Variants in PEX6 observed in about 807,000 individuals in gnomAD.
The protein encoded by PEX6 is peroxisome biogenesis factor 6.
PEX6 carries 55 observed loss-of-function variants against 85.6 expected under a neutral mutation model. That is an observed-to-expected ratio of 0.64 (90% CI 0.52 to 0.80). The LOEUF (loss-of-function observed/expected upper bound fraction) is 0.80, where lower values mean the gene tolerates loss of function less well. Ranked by LOEUF, PEX6 falls within the 30% of genes least tolerant of loss-of-function variation. PEX6 has a pLI of 0.00. For synonymous variants in PEX6, 519 were observed against 549.1 expected (o/e 0.95, Z 0.77); for missense variants, 1,099 against 1,260.3 (o/e 0.87, Z 1.94).
In PEX6 at chr6:42,966,382, G is replaced by T. The variant is rs1313491168; in HGVS notation, c.2160C>A (p.Thr720=). 3 of 1,614,084 alleles carry T rather than the reference G, an allele frequency of 1.9e-6. No homozygotes were observed. Among genetic ancestry groups the T allele is most frequent in the Non-Finnish European group, 2.5e-6 (3 of 1,180,002 alleles). Residue 720 remains threonine, a synonymous_variant, in exon 11 of 17, where the codon ACC becomes ACA. Transcript: ENST00000304611. ...CAGGGTGCTCCAGGGGGAGCTGAAT[G>T]GTCTCCAGGATCTCCTTCTTCACCT... is the stretch of plus-strand genomic sequence containing the variant. ...LQEVKKEILE[T]IQLPLEHPEL... is the part of the protein sequence containing the mutation.
intron 3 of PEX6, among the ~76,000 whole-genome samples, chr6:42,972,012 G>A (rs1254102573): frequency 1.3e-5 from 2 of 152,196 alleles, no homozygotes; most frequent in Non-Finnish European, 2.9e-5. Context: ...GAGGTGACAT[G>A]GAGCCTAAAT....
chr6:42,965,835 G>A lies in PEX6; in HGVS notation c.2363-46C>T, dbSNP rs1341222040. On this transcript the variant is annotated intron_variant, in intron 12 of 16. Coordinates refer to ENST00000304611, the MANE Select transcript of PEX6 (RefSeq NM_000287.4). The surrounding 1 kb of genome is among the most constrained non-coding windows in gnomAD (Gnocchi z 5.0). Reference sequence around the variant, plus strand: ...ACAGGAGGGCAAAGCTCGGCTTGTGGGGGGTTGAAGTTAGGTGAGAGCAGG... The same window carrying A: ...ACAGGAGGGCAAAGCTCGGCTTGTGAGGGGTTGAAGTTAGGTGAGAGCAGG... The A allele has an allele frequency of 2.6e-6, 4 of 1,546,142 alleles. No individual in the cohort carries two copies. The highest frequency in any genetic ancestry group is 3.6e-6 in the Non-Finnish European group (4 of 1,119,056).
intron 1 of PEX6, among the ~76,000 whole-genome samples, chr6:42,975,707 ATTTAG>A (rs1274796648): frequency 3.3e-5 from 5 of 151,180 alleles, no homozygotes; most frequent in Non-Finnish European, 7.4e-5. Context: ...AAAAAACATG[ATTTAG>A]TTTTTTTTTT....
chr6:42,966,188 C>T (rs1322774813), intron 11 of PEX6, 54 bp downstream of exon 11: 1 of 1,609,162 alleles, frequency 6.2e-7, no homozygotes. Context: ...TCCTGCTCCC[C>T]AGCCTGCTGC....
Position 42,968,364 on chromosome 6 carries a change from ACGGTCC to A in PEX6, c.1608_1613del (p.Arg538_Asp539del). ...CACGGGCATCCTCACCCAGCCCATC[ACGGTCC>A]CGGCCCAGAAGGTCCACAGCTGTGA... On this transcript the variant is annotated inframe_deletion, in exon 7 of 17. Transcript: ENST00000304611. 2.5e-6 allele frequency: 4 copies of A among 1,614,144 alleles called. No homozygotes were observed. The highest frequency in any genetic ancestry group is 3.4e-6 in the Non-Finnish European group (4 of 1,180,040).
intron 6 of PEX6, 65 bp from the exon 7 acceptor site, chr6:42,968,563 GGGA>G (rs1353509277): frequency 1.4e-6 from 2 of 1,389,302 alleles, no homozygotes; most frequent in Non-Finnish European, 2.0e-6. Context: ...GGAGAATCAG[GGGA>G]GGAGGAGGTG....
Position 42,971,016 on chromosome 6 carries a change from C to A in PEX6, c.1131-1029G>T, listed in dbSNP as rs761535123. Among the ~76,000 whole-genome samples, 8 of 152,280 alleles carry A rather than the reference C, an allele frequency of 5.3e-5. No homozygotes were observed. The highest frequency in any genetic ancestry group is 3.4e-3 in the Middle Eastern group (1 of 294). On this transcript the variant is annotated intron_variant, in intron 3 of 16. Coordinates refer to ENST00000304611, the MANE Select transcript of PEX6 (RefSeq NM_000287.4). This position sits in a 1 kb window ranked among gnomAD's most constrained non-coding sequence, Gnocchi z 4.4. Reference sequence around the variant, plus strand: ...ATGAACTACTTCCCTCTTTAATCCTCAGGCAGCAAGGCAATGACAGAGTCA... The same window carrying A: ...ATGAACTACTTCCCTCTTTAATCCTAAGGCAGCAAGGCAATGACAGAGTCA...
chr6:42,965,674 C>A lies in PEX6; in HGVS notation c.2471+7G>T, dbSNP rs1769761146. ...CCCTCAGCTTTCATTCCCACTCAGA[C>A]CCCTACCTGTCCATCACTCCTCCAG... is the stretch of plus-strand genomic sequence containing the variant. On this transcript the variant is annotated splice_region_variant and intron_variant, in intron 13 of 16. Coordinates refer to ENST00000304611, the MANE Select transcript of PEX6 (RefSeq NM_000287.4). The surrounding 1 kb of genome is among the most constrained non-coding windows in gnomAD (Gnocchi z 5.0). 6.2e-7 allele frequency: 1 copy of A among 1,600,636 alleles called. No homozygotes were observed. The highest frequency in any genetic ancestry group is 1.1e-5 in the South Asian group (1 of 90,816).
Position 42,965,837 on chromosome 6 carries a change from G to T in PEX6, c.2363-48C>A. Reference sequence around the variant, plus strand: ...AGGAGGGCAAAGCTCGGCTTGTGGGGGGTTGAAGTTAGGTGAGAGCAGGGA... The same window carrying T: ...AGGAGGGCAAAGCTCGGCTTGTGGGTGGTTGAAGTTAGGTGAGAGCAGGGA... On this transcript the variant is annotated intron_variant, in intron 12 of 16. Coordinates refer to ENST00000304611, the MANE Select transcript of PEX6 (RefSeq NM_000287.4). The surrounding 1 kb of genome is among the most constrained non-coding windows in gnomAD (Gnocchi z 5.0). The T allele has an allele frequency of 6.5e-7, 1 of 1,537,936 alleles. No homozygotes were observed. The highest frequency in any genetic ancestry group is 1.1e-5 in the South Asian group (1 of 89,422).
At chr6:42,967,300 G>A (rs1769865470) in intron 8 of PEX6, 68 bp downstream of exon 8, 14 of 1,466,334 alleles carry the variant, frequency 9.5e-6, no homozygotes, top group African/African-American at 1.4e-5. Context: ...CAAGGCAACA[G>A]GACTGAGTTC....
intron 3 of PEX6, among the ~76,000 whole-genome samples, chr6:42,970,525 T>G (rs1770025761): frequency 6.6e-6 from 1 of 152,216 alleles, no homozygotes; most frequent in Non-Finnish European, 1.5e-5. Context: ...TCTCACATAT[T>G]ATATGATTCT....
At chr6:42,966,922 C>T (rs1473310638) in intron 8 of PEX6, 64 bp from the exon 9 acceptor site, 1 of 1,268,942 alleles carries the variant, frequency 7.9e-7, no homozygotes, top group Non-Finnish European at 1.1e-6. Context: ...CAGGGACCGT[C>T]CCCCAGCTAG....
intron 1 of PEX6, among the ~76,000 whole-genome samples, chr6:42,975,280 G>A (rs1444735305): frequency 1.3e-5 from 2 of 152,198 alleles, no homozygotes; most frequent in Non-Finnish European, 2.9e-5. Context: ...TAACCTTTCT[G>A]TGACACTTTC....
At chr6:42,970,315 C>A (rs1770018873) in intron 3 of PEX6, among the ~76,000 whole-genome samples, 1 of 152,230 alleles carries the variant, frequency 6.6e-6, no homozygotes, top group South Asian at 2.1e-4. Context: ...CTGATTACTT[C>A]TACTGGCTTC....
rs1581777767 is a variant in PEX6 at position 42,978,141 on chromosome 6, G to A, written c.882+128C>T. The A allele has an allele frequency of 2.5e-6, 3 of 1,204,664 alleles. No homozygotes were observed. In the East Asian group the frequency reaches 7.1e-5, roughly 29 times the overall value. 74.6% of individuals were successfully genotyped at this position (1,204,664 alleles called of 1,614,324 possible). On this transcript the variant is annotated intron_variant, in intron 1 of 16. Coordinates refer to ENST00000304611, the MANE Select transcript of PEX6 (RefSeq NM_000287.4). ...ATTACAGGCGTGAGTCACCGCGCCC[G>A]GCTAGAAACATTATGTTCAAAGTCC...
intron 11 of PEX6, 53 bp from the exon 12 acceptor site, chr6:42,966,158 T>C (rs901629569): frequency 3.4e-5 from 55 of 1,610,056 alleles, no homozygotes; most frequent in Non-Finnish European, 3.7e-5. Context: ...ATACACACAA[T>C]TGACCTCTTG....
At position 42,965,944 on chromosome 6, in the gene PEX6, G is replaced by A; in HGVS notation, c.2362+100C>T. 7.0e-7 allele frequency: 1 copy of A among 1,434,452 alleles called. No homozygotes were observed. The highest frequency in any genetic ancestry group is 9.8e-7 in the Non-Finnish European group (1 of 1,019,230). The allele number at this position is 1,434,452 out of a possible 1,614,324, so 88.9% of individuals were successfully genotyped here. A position where few individuals can be genotyped will look rare whatever the true frequency, so the allele number is the denominator to read the frequency against. ...GCAGGAACCTGACTTGTAGAAAGGAGGATTAGGAATGATCATGAGTAGCCT... is the reference window on the plus strand; with the variant it reads ...GCAGGAACCTGACTTGTAGAAAGGAAGATTAGGAATGATCATGAGTAGCCT... On this transcript the variant is annotated intron_variant, in intron 12 of 16. Coordinates refer to ENST00000304611, the MANE Select transcript of PEX6 (RefSeq NM_000287.4). The surrounding 1 kb of genome is among the most constrained non-coding windows in gnomAD (Gnocchi z 5.0).
At position 42,965,423 on chromosome 6, in the gene PEX6, C is replaced by T. The variant is rs553917763; in HGVS notation, c.2472-55G>A. 2.0e-5 allele frequency: 26 copies of T among 1,328,214 alleles called. No homozygotes were observed. In the South Asian group the frequency reaches 2.8e-4, roughly 14 times the overall value. The allele number at this position is 1,328,214 out of a possible 1,614,324, so 82.3% of individuals were successfully genotyped here. The stretch of plus-strand genomic sequence containing the variant: ...CTTGGTGTCCCCCTTAGACTCTGCC[C>T]CTGCCTGTGGTACCTCTCTTTACAG... On this transcript the variant is annotated intron_variant, in intron 13 of 16. Coordinates refer to ENST00000304611, the MANE Select transcript of PEX6 (RefSeq NM_000287.4). The surrounding 1 kb of genome is among the most constrained non-coding windows in gnomAD (Gnocchi z 5.0).
At position 42,964,683 on chromosome 6, in the gene PEX6, G is replaced by T; in HGVS notation, c.2806+107C>A. 6.7e-7 allele frequency: 1 copy of T among 1,483,488 alleles called. No individual in the cohort carries two copies. The highest frequency in any genetic ancestry group is 9.4e-7 in the Non-Finnish European group (1 of 1,065,322). 91.9% of individuals were successfully genotyped at this position (1,483,488 alleles called of 1,614,324 possible). A position where few individuals can be genotyped will look rare whatever the true frequency, so the allele number is the denominator to read the frequency against. On this transcript the variant is annotated intron_variant, in intron 16 of 16. Coordinates refer to ENST00000304611, the MANE Select transcript of PEX6 (RefSeq NM_000287.4). The surrounding 1 kb of genome is among the most constrained non-coding windows in gnomAD (Gnocchi z 4.6). ...TTGCCCAGGCTGGCCTCAAACTCCTGGGCTCAAGCGATCCTCCCACCTCAG... is the reference window on the plus strand; with the variant it reads ...TTGCCCAGGCTGGCCTCAAACTCCTTGGCTCAAGCGATCCTCCCACCTCAG...
Sources: gnomAD v4.1 joint callset for allele counts (sites outside exome capture counted in the v4.1 genomes callset) on GRCh38, gnomAD v4.1.1 for gene constraint, Gnocchi (gnomAD v3.1) non-coding constraint, MANE v1.5 for transcripts, NCBI Gene and HGNC (gene_info 2026-07-23, HGNC 2026-07-21) for gene names.